RUVBL1: variants seen among roughly 807,000 people sequenced by gnomAD.
The protein encoded by RUVBL1 is ruvB-like 1.
A neutral mutation model predicts 52.4 loss-of-function variants in RUVBL1; 4 were observed. That is an observed-to-expected ratio of 0.08 (90% CI 0.04 to 0.17). The LOEUF (loss-of-function observed/expected upper bound fraction) is 0.17, where lower values mean the gene tolerates loss of function less well. Ranked by LOEUF, RUVBL1 falls within the 10% of genes least tolerant of loss-of-function variation. The pLI is 1.00. For missense variants in RUVBL1, 298 were observed against 572.8 expected (o/e 0.52, Z 4.90); for synonymous variants, 217 against 214.4 (o/e 1.01, Z -0.10).
At chr3:128,085,640 C>A (rs114867502) in intron 9 of RUVBL1, among the ~76,000 whole-genome samples, 91 of 152,340 alleles carry the variant, frequency 6.0e-4, no homozygotes, top group African/African-American at 2.1e-3. Context: ...ATGCTGGTTA[C>A]AAAGGGAGAT....
downstream of RUVBL1, among the ~76,000 whole-genome samples, chr3:128,078,018 G>A (rs1331291956): frequency 4.6e-5 from 7 of 152,330 alleles, no homozygotes; most frequent in Admixed American, 3.9e-4. Flanking sequence ...GGGCCACACA[G>A]AGGAGGAAAA....
intron 3 of RUVBL1, among the ~76,000 whole-genome samples, chr3:128,109,048 T>C (rs1191199915): frequency 6.6e-6 from 1 of 152,168 alleles, no homozygotes; most frequent in East Asian, 1.9e-4. Flanking sequence ...TGTACAAGGT[T>C]ATGATGATCA....
intron 9 of RUVBL1, among the ~76,000 whole-genome samples, chr3:128,073,493 G>A (rs902886999): frequency 6.6e-6 from 1 of 152,174 alleles, no homozygotes; most frequent in Non-Finnish European, 1.5e-5. Flanking sequence ...CAGGGGATGG[G>A]CATGTGGCAC....
chr3:128,066,928 G>A lies in RUVBL1; in HGVS notation c.940-1708C>T, dbSNP rs369469434. 13 of 1,612,988 alleles carry A rather than the reference G, an allele frequency of 8.1e-6. No individual in the cohort carries two copies. The African/African-American group carries it at 1.6e-4, about 20-fold the overall frequency. On this transcript the variant is annotated intron_variant, in intron 9 of 9. Transcript: ENST00000464873. Reference sequence around the variant, plus strand: ...GCAGGCTGAAATGAGGCAGTGAAGGGGATTTGGTTCTGTTTGGCTTCTCAG... The same window carrying A: ...GCAGGCTGAAATGAGGCAGTGAAGGAGATTTGGTTCTGTTTGGCTTCTCAG...
rs1225622034 is a variant in RUVBL1, at chr3:128,082,752, G to A, written c.1120-178C>T. 4.2e-5 allele frequency: 24 copies of A among 567,210 alleles called. No individual in the cohort carries two copies. In the East Asian group the frequency reaches 7.2e-4, roughly 17 times the overall value. The allele number at this position is 567,210 out of a possible 1,614,324, so 35.1% of individuals were successfully genotyped here. On this transcript the variant is annotated intron_variant, in intron 9 of 10. Transcript: ENST00000322623. The surrounding 1 kb of genome is among the most constrained non-coding windows in gnomAD (Gnocchi z 4.7). ...GCACTGCCGGCCCGGCACCCTCCAG[G>A]AGGCATGTGCGGCCCTGCAGTATGC...
At chr3:128,105,476 A>G (rs1943210908) in intron 3 of RUVBL1, among the ~76,000 whole-genome samples, 1 of 152,142 alleles carries the variant, frequency 6.6e-6, no homozygotes, top group African/African-American at 2.4e-5. Context: ...TAGATAGACA[A>G]GTTATAATTC....
At chr3:128,121,610 T>A (rs1943650195) in intron 1 of RUVBL1, among the ~76,000 whole-genome samples, 1 of 149,188 alleles carries the variant, frequency 6.7e-6, no homozygotes. Context: ...CTCACGAGGC[T>A]GAGGCAGGAG....
rs1339762155 is a variant in RUVBL1, at chr3:128,092,785, C to T, written c.1016+4515G>A. ...TGATGCAGCTGGCTTTGGAAAACAG[C>T]TGGCAGTTCCTTGAAAGGTTAAACA... is the stretch of plus-strand genomic sequence containing the variant. On this transcript the variant is annotated intron_variant, in intron 8 of 10. Transcript: ENST00000322623. Among the ~76,000 whole-genome samples, 3 of 152,334 alleles carry T rather than the reference C, an allele frequency of 2.0e-5. No homozygotes were observed. The East Asian group carries it at 5.8e-4, about 29-fold the overall frequency.
intron 2 of RUVBL1, among the ~76,000 whole-genome samples, chr3:128,117,048 A>T (rs181439600): frequency 2.1e-4 from 32 of 152,338 alleles, no homozygotes; most frequent in African/African-American, 7.2e-4. Flanking sequence ...CAAAATATTT[A>T]TAACTGGCTA....
intron 3 of RUVBL1, among the ~76,000 whole-genome samples, chr3:128,110,917 G>A (rs1356722070): frequency 6.6e-6 from 1 of 151,722 alleles, no homozygotes; most frequent in Non-Finnish European, 1.5e-5. Context: ...ATATTTTTTA[G>A]CTAAAGACTT....
At chr3:128,100,786 T>G (rs1943092793) in intron 5 of RUVBL1, 42 bp from the exon 6 acceptor site, 1 of 1,612,526 alleles carries the variant, frequency 6.2e-7, no homozygotes, top group African/African-American at 1.3e-5. Context: ...AAGTTTTCAC[T>G]GCCAAGTCCC....
intron 1 of RUVBL1, among the ~76,000 whole-genome samples, chr3:128,150,839 CTATATATATTCTATATATTATATATTATA>C (rs1559841467): frequency 1.2e-4 from 8 of 66,082 alleles, no homozygotes; most frequent in Admixed American, 1.0e-3. Flanking sequence ...ATTATATATT[CTATATATATTCTATATATTATATATTATA>C]TATATATATT....
chr3:128,108,186 G>C (rs763788655), intron 3 of RUVBL1, among the ~76,000 whole-genome samples: 14 of 152,118 alleles, frequency 9.2e-5, no homozygotes, highest in Admixed American at 9.2e-4. Flanking sequence ...ATTTCTGGTC[G>C]GCTTATTGCT....
At chr3:128,153,328 C>T (rs1218648133) in exon 1 of RUVBL1, 13 of 1,372,246 alleles carry the variant, frequency 9.5e-6, no homozygotes, top group African/African-American at 1.5e-5. Context: ...TCCTAGACCA[C>T]CCACTCGGAG....
intron 8 of RUVBL1, among the ~76,000 whole-genome samples, chr3:128,089,343 C>T (rs1942758912): frequency 6.6e-6 from 1 of 152,208 alleles, no homozygotes; most frequent in Admixed American, 6.5e-5. Flanking sequence ...TTGGAGGGCC[C>T]AAGTGCTGTA....
At chr3:128,112,597 A>G (rs926345714) in intron 3 of RUVBL1, among the ~76,000 whole-genome samples, 1 of 152,136 alleles carries the variant, frequency 6.6e-6, no homozygotes, top group Non-Finnish European at 1.5e-5. Flanking sequence ...GCAAAATAAG[A>G]CTTCCAGGAA....
In RUVBL1 at chr3:128,067,917, C is replaced by A. The variant is rs1942033862; in HGVS notation, c.940-2697G>T. ...AGAGGCGATCTGTAACTGTTCAGTA[C>A]CACTTGGAATGCCTATTTCCCCTTC... On this transcript the variant is annotated intron_variant, in intron 9 of 9. Transcript: ENST00000464873. The surrounding 1 kb of genome is among the most constrained non-coding windows in gnomAD (Gnocchi z 4.1). The A allele has an allele frequency of 1.3e-5, 16 of 1,259,376 alleles. No individual in the cohort carries two copies. Among genetic ancestry groups the A allele is most frequent in the Non-Finnish European group, 1.9e-5 (16 of 857,188 alleles). 78.0% of individuals were successfully genotyped at this position (1,259,376 alleles called of 1,614,324 possible). A position where few individuals can be genotyped will look rare whatever the true frequency, so the allele number is the denominator to read the frequency against.
chr3:128,100,293 C>T (rs1943082083), intron 6 of RUVBL1, among the ~76,000 whole-genome samples: 1 of 152,124 alleles, frequency 6.6e-6, no homozygotes, highest in Non-Finnish European at 1.5e-5. Flanking sequence ...CCATTAACAC[C>T]CAGAAAATCC....
rs1942006110 is a variant in RUVBL1, at chr3:128,067,190, A to G, written c.940-1970T>C. The G allele has an allele frequency of 2.6e-6, 4 of 1,563,628 alleles. No homozygotes were observed. Among genetic ancestry groups the G allele is most frequent in the South Asian group, 2.2e-5 (2 of 90,060 alleles). The stretch of plus-strand genomic sequence containing the variant: ...TTGAAGATGAGCTAGCAATGCAGCT[A>G]AGTTGCAGTGGTTTCTATCAGTGTC... On this transcript the variant is annotated intron_variant, in intron 9 of 9. Transcript: ENST00000464873. This position sits in a 1 kb window ranked among gnomAD's most constrained non-coding sequence, Gnocchi z 4.1.
Sources: gnomAD v4.1 joint callset for allele counts (sites outside exome capture counted in the v4.1 genomes callset) on GRCh38, gnomAD v4.1.1 for gene constraint, Gnocchi (gnomAD v3.1) non-coding constraint, MANE v1.5 for transcripts, NCBI Gene and HGNC (gene_info 2026-07-23, HGNC 2026-07-21) for gene names.